CTNNA3: variants seen among roughly 807,000 people sequenced by gnomAD.
CTNNA3 encodes catenin alpha 3.
A neutral mutation model predicts 95.7 loss-of-function variants in CTNNA3; 76 were observed. That is an observed-to-expected ratio of 0.79 (90% confidence interval 0.66 to 0.96). The LOEUF (loss-of-function observed/expected upper bound fraction) is 0.96, where lower values mean the gene tolerates loss of function less well. Ranked by LOEUF, CTNNA3 falls within the 40% of genes least tolerant of loss-of-function variation. CTNNA3 has a pLI of 0.00. For missense variants in CTNNA3, 1,191 were observed against 1,089.8 expected (o/e 1.09, Z -1.31); for synonymous variants, 431 against 374.4 (o/e 1.15, Z -1.74).
chr10:66,854,310 T>TTTA (rs5785792), intron 7 of CTNNA3, among the ~76,000 whole-genome samples: 88,504 of 151,630 alleles, frequency 0.58, 26,887 homozygotes, highest in African/African-American at 0.64. Flanking sequence ...AATCAAATTG[T>TTTA]TGCTTTCTTC....
chr10:66,182,186 G>C (rs563289197), intron 13 of CTNNA3, among the ~76,000 whole-genome samples: 3 of 151,880 alleles, frequency 2.0e-5, no homozygotes, highest in African/African-American at 7.2e-5. Flanking sequence ...TCAAGTATGG[G>C]AGCCTCAAAG....
intron 17 of CTNNA3, among the ~76,000 whole-genome samples, chr10:65,964,934 T>G (rs1426321294): frequency 3.3e-5 from 5 of 152,202 alleles, no homozygotes; most frequent in Non-Finnish European, 7.3e-5. Context: ...TATACATACA[T>G]GTATGCATAT....
intron 13 of CTNNA3, among the ~76,000 whole-genome samples, chr10:66,193,781 T>C (rs1228336185): frequency 1.3e-5 from 2 of 152,124 alleles, no homozygotes; most frequent in African/African-American, 4.8e-5. Flanking sequence ...CATGGCAACA[T>C]ATCCTGGGCT....
At position 67,215,162 on chromosome 10, in the gene CTNNA3, T is replaced by G. The variant is rs56893082; in HGVS notation, c.843+4445A>C. Among the ~76,000 whole-genome samples the G allele has an allele frequency of 0.017, 2,613 of 152,216 alleles. 128 individuals carry two copies. The East Asian group carries it at 0.18, about 11-fold the overall frequency. ...CTTCAAATATCTTTCAGATCACCAATTCTCTAACCTAATCACCTGTTTTGC... is the reference window on the plus strand; with the variant it reads ...CTTCAAATATCTTTCAGATCACCAAGTCTCTAACCTAATCACCTGTTTTGC... On this transcript the variant is annotated intron_variant, in intron 6 of 17. Transcript: ENST00000433211.
intron 12 of CTNNA3, among the ~76,000 whole-genome samples, chr10:66,339,898 C>G (rs1416286850): frequency 6.6e-6 from 1 of 151,576 alleles, no homozygotes; most frequent in Non-Finnish European, 1.5e-5. Flanking sequence ...CTTCTAATAC[C>G]CATAATTTGC....
At chr10:66,421,962 T>G (rs1441833187) in intron 11 of CTNNA3, among the ~76,000 whole-genome samples, 1 of 132,994 alleles carries the variant, frequency 7.5e-6, no homozygotes, top group Non-Finnish European at 1.6e-5. Flanking sequence ...AGGGTTGAAA[T>G]GAATCCTGCT....
At chr10:66,471,285 A>G (rs1005623546) in intron 11 of CTNNA3, among the ~76,000 whole-genome samples, 1 of 151,870 alleles carries the variant, frequency 6.6e-6, no homozygotes. Context: ...ACATATATCA[A>G]TGCATATCTA....
chr10:67,582,993 T>C (rs1320907113), intron 3 of CTNNA3, among the ~76,000 whole-genome samples: 1 of 152,146 alleles, frequency 6.6e-6, no homozygotes, highest in African/African-American at 2.4e-5. Context: ...AGCACACTGA[T>C]GGGTCTTGAC....
intron 5 of CTNNA3, among the ~76,000 whole-genome samples, chr10:67,416,530 C>A (rs1845547409): frequency 6.7e-6 from 1 of 150,032 alleles, no homozygotes; most frequent in Non-Finnish European, 1.5e-5. Context: ...ATGGCGTGAA[C>A]CCGGGGGGCG....
At chr10:66,538,488 C>T (rs1456088192) in intron 10 of CTNNA3, among the ~76,000 whole-genome samples, 2 of 152,070 alleles carry the variant, frequency 1.3e-5, no homozygotes, top group Non-Finnish European at 2.9e-5. Context: ...CTTCCTGTGG[C>T]AAATTTAAAA....
chr10:66,789,614 C>CT (rs921144080), intron 7 of CTNNA3, among the ~76,000 whole-genome samples: 6 of 152,090 alleles, frequency 3.9e-5, no homozygotes, highest in African/African-American at 1.4e-4. Flanking sequence ...TGACCAAGAT[C>CT]TTTTTTTATA....
At chr10:65,963,865 G>A (rs1167525781) in intron 17 of CTNNA3, among the ~76,000 whole-genome samples, 1 of 152,114 alleles carries the variant, frequency 6.6e-6, no homozygotes, top group African/African-American at 2.4e-5. Flanking sequence ...ATATCTCTCA[G>A]GTTATTTTAT....
chr10:66,053,103 C>G (rs12573209), intron 15 of CTNNA3, among the ~76,000 whole-genome samples: 17,178 of 152,080 alleles, frequency 0.11, 1,171 homozygotes, highest in Non-Finnish European at 0.16. Context: ...ATCCATTGAA[C>G]TATCTTACTG....
chr10:66,196,938 G>A (rs1032478823), intron 13 of CTNNA3, among the ~76,000 whole-genome samples: 1 of 152,160 alleles, frequency 6.6e-6, no homozygotes, highest in Non-Finnish European at 1.5e-5. Flanking sequence ...ATCAGAGCAG[G>A]CTCATGAATT....
At chr10:67,415,900 G>A (rs1053930723) in intron 5 of CTNNA3, among the ~76,000 whole-genome samples, 3 of 152,110 alleles carry the variant, frequency 2.0e-5, no homozygotes, top group African/African-American at 7.2e-5. Flanking sequence ...ATGGGGAAAG[G>A]ACTCCCTATT....
At chr10:67,597,763 G>T (rs769353352) in intron 3 of CTNNA3, among the ~76,000 whole-genome samples, 1 of 152,150 alleles carries the variant, frequency 6.6e-6, no homozygotes, top group African/African-American at 2.4e-5. Context: ...AGGGCGGTGG[G>T]GGCTGTGCAT....
intron 13 of CTNNA3, among the ~76,000 whole-genome samples, chr10:66,273,823 T>C (rs1032587376): frequency 5.3e-5 from 8 of 151,622 alleles, no homozygotes; most frequent in African/African-American, 1.9e-4. Context: ...AAAGAGTACC[T>C]GGATGAATGG....
intron 6 of CTNNA3, among the ~76,000 whole-genome samples, chr10:67,219,005 T>C (rs1415827706): frequency 1.3e-5 from 2 of 152,206 alleles, no homozygotes; most frequent in African/African-American, 4.8e-5. Flanking sequence ...TAGCTCCTGC[T>C]ACTCATCACT....
Position 65,914,008 on chromosome 10 carries a change from G to T in CTNNA3, c.*6322C>A, listed in dbSNP as rs1257701400. 6.6e-6 allele frequency: 1 copy of T among 152,074 alleles called. No homozygotes were observed. The highest frequency in any genetic ancestry group is 1.5e-5 in the Non-Finnish European group (1 of 68,008). 9.4% of individuals were successfully genotyped at this position (152,074 alleles called of 1,614,324 possible). On this transcript the variant is annotated 3_prime_UTR_variant, in exon 18 of 18. Coordinates refer to ENST00000433211, the MANE Select transcript of CTNNA3 (RefSeq NM_013266.4). The stretch of plus-strand genomic sequence containing the variant: ...TTTAAATGTATAAGGAAGTGTCACA[G>T]ACCTCCAACACCAAATAACCAGAAC...
Sources: gnomAD v4.1 joint callset for allele counts (sites outside exome capture counted in the v4.1 genomes callset) on GRCh38, gnomAD v4.1.1 for gene constraint, MANE v1.5 for transcripts, NCBI Gene and HGNC (gene_info 2026-07-23, HGNC 2026-07-21) for gene names.